CMSS1: variants seen among roughly 807,000 people sequenced by gnomAD.
CMSS1 encodes cms1 ribosomal small subunit homolog, also known as protein CMSS1.
A neutral mutation model predicts 43.5 loss-of-function variants in CMSS1; 33 were observed. The ratio of observed to expected loss-of-function variants is 0.76; its 90% CI spans 0.57 to 1.01. The LOEUF is 1.01. CMSS1 is among the 50% of genes least tolerant of loss of function. CMSS1 has a pLI of 0.00. For missense variants in CMSS1, 313 were observed against 326.4 expected, an observed-to-expected ratio of 0.96 and a Z score of 0.32; for synonymous variants, 115 against 117.2, an observed-to-expected ratio of 0.98 and a Z score of 0.12.
chr3:100,033,742 A>G (rs2065060478), intron 1 of CMSS1, among the ~76,000 whole-genome samples: 1 of 152,232 alleles, frequency 6.6e-6, no homozygotes, highest in Non-Finnish European at 1.5e-5. Context: ...TATTGAAAAT[A>G]TGTGGTGACT....
At chr3:100,122,687 A>G (rs560643365) in intron 1 of CMSS1, among the ~76,000 whole-genome samples, 2 of 152,230 alleles carry the variant, frequency 1.3e-5, no homozygotes, top group Non-Finnish European at 2.9e-5. Context: ...CCCCTTATTC[A>G]AAATGCATTG....
At chr3:99,898,314 C>T (rs1274750285) in intron 1 of CMSS1, 1 of 152,170 alleles carries the variant, frequency 6.6e-6, no homozygotes, top group Non-Finnish European at 1.5e-5. Context: ...TGGAATTACA[C>T]AATGACCAGG....
intron 4 of CMSS1, among the ~76,000 whole-genome samples, chr3:100,163,312 T>C (rs750699012): frequency 5.3e-5 from 8 of 152,184 alleles, no homozygotes; most frequent in Non-Finnish European, 1.0e-4. Context: ...TTGCTCTTAT[T>C]ATGGATTTCT....
intron 1 of CMSS1, among the ~76,000 whole-genome samples, chr3:99,951,871 A>G (rs1708186661): frequency 6.6e-6 from 1 of 152,228 alleles, no homozygotes; most frequent in Non-Finnish European, 1.5e-5. Flanking sequence ...GGCTGTGGCT[A>G]TGTTCCAATA....
chr3:100,103,150 G>C (rs902049716), intron 1 of CMSS1, among the ~76,000 whole-genome samples: 5 of 152,192 alleles, frequency 3.3e-5, no homozygotes, highest in Non-Finnish European at 1.5e-5. Context: ...TTGTAGGCCA[G>C]GAGTCTTTAA....
chr3:99,973,037 C>T (rs776880614), intron 1 of CMSS1, among the ~76,000 whole-genome samples: 5 of 152,146 alleles, frequency 3.3e-5, no homozygotes, highest in Non-Finnish European at 7.3e-5. Flanking sequence ...CCCCTTTTAT[C>T]TGTTCACAAA....
rs775188669 is a variant in CMSS1 at position 99,848,787 on chromosome 3, G to A, written c.64+30744G>A. The A allele has an allele frequency of 1.4e-5, 23 of 1,614,004 alleles. 1 individual carries two copies. Among genetic ancestry groups the A allele is most frequent in the Admixed American group, 5.0e-5 (3 of 59,996 alleles). On this transcript the variant is annotated intron_variant, in intron 1 of 9. Transcript: ENST00000421999. ...CTTGTTCTAAATTCATGAGGTCTTC[G>A]GTAGAGGTTTTGGACTTTACTGGTG...
intron 1 of CMSS1, among the ~76,000 whole-genome samples, chr3:99,843,807 A>T (rs1269294266): frequency 6.6e-6 from 1 of 152,146 alleles, no homozygotes; most frequent in Non-Finnish European, 1.5e-5. Context: ...GGTGAGTGGC[A>T]GGCAAGCGAG....
intron 1 of CMSS1, chr3:100,010,190 T>A (rs541730886): frequency 1.1e-6 from 1 of 912,558 alleles, no homozygotes; most frequent in African/African-American, 1.8e-5. Flanking sequence ...GGTAAAGTAT[T>A]GCTATTTTTA....
At chr3:100,162,943 C>T (rs1320588001) in intron 4 of CMSS1, among the ~76,000 whole-genome samples, 3 of 152,152 alleles carry the variant, frequency 2.0e-5, no homozygotes, top group African/African-American at 7.2e-5. Context: ...CCATTGCACT[C>T]CAGCCTGGGG....
chr3:100,149,043 A>G (rs749275685), intron 2 of CMSS1, among the ~76,000 whole-genome samples: 5 of 152,046 alleles, frequency 3.3e-5, no homozygotes, highest in South Asian at 2.1e-4. Flanking sequence ...CCTCTAATCA[A>G]TGTCTACCTA....
chr3:100,170,688 G>A (rs930205790), intron 6 of CMSS1, among the ~76,000 whole-genome samples: 1 of 152,234 alleles, frequency 6.6e-6, no homozygotes, highest in Non-Finnish European at 1.5e-5. Context: ...GCAGCTGTTG[G>A]TGCCAGCTGA....
chr3:100,006,541 A>G (rs1709991803), intron 1 of CMSS1, among the ~76,000 whole-genome samples: 1 of 152,126 alleles, frequency 6.6e-6, no homozygotes, highest in Admixed American at 6.6e-5. Flanking sequence ...TATAGTCATG[A>G]AGGCTATCAT....
Position 100,147,149 on chromosome 3 carries a change from T to A in CMSS1, c.153+88T>A, listed in dbSNP as rs1341683592. 74 of 1,410,220 alleles carry A rather than the reference T, an allele frequency of 5.2e-5. No homozygotes were observed. The South Asian group carries it at 7.9e-4, about 15-fold the overall frequency. 87.4% of individuals were successfully genotyped at this position (1,410,220 alleles called of 1,614,324 possible). A position where few individuals can be genotyped will look rare whatever the true frequency, so the allele number is the denominator to read the frequency against. ...CTATTGAACTCCCCATGTCCTAATATCGGTTGTTGGTGGGATTTAAGAGAG... is the reference window on the plus strand; with the variant it reads ...CTATTGAACTCCCCATGTCCTAATAACGGTTGTTGGTGGGATTTAAGAGAG... On this transcript the variant is annotated intron_variant, in intron 2 of 9. Transcript: ENST00000421999.
At chr3:99,836,575 C>G (rs1432334968) in intron 1 of CMSS1, among the ~76,000 whole-genome samples, 1 of 152,138 alleles carries the variant, frequency 6.6e-6, no homozygotes, top group Admixed American at 6.5e-5. Context: ...TCTTCTCCCA[C>G]CATAGGTACT....
At chr3:100,077,072 C>G (rs1269242783) in intron 1 of CMSS1, among the ~76,000 whole-genome samples, 1 of 152,206 alleles carries the variant, frequency 6.6e-6, no homozygotes, top group Non-Finnish European at 1.5e-5. Context: ...TTGCAGATTC[C>G]GGTTAGGTCT....
intron 1 of CMSS1, among the ~76,000 whole-genome samples, chr3:99,861,727 A>G (rs569067488): frequency 3.0e-4 from 45 of 152,192 alleles, no homozygotes; most frequent in Non-Finnish European, 5.3e-4. Flanking sequence ...GACAGCATGT[A>G]CACTCTCTAG....
At chr3:100,035,277 T>G (rs1031607454) in intron 1 of CMSS1, among the ~76,000 whole-genome samples, 3 of 152,016 alleles carry the variant, frequency 2.0e-5, no homozygotes, top group Non-Finnish European at 2.9e-5. Flanking sequence ...ATTATTAGTA[T>G]TATTATTATT....
At chr3:100,042,058 A>G (rs1026462803) in intron 1 of CMSS1, among the ~76,000 whole-genome samples, 10 of 152,040 alleles carry the variant, frequency 6.6e-5, no homozygotes, top group African/African-American at 2.4e-4. Flanking sequence ...TTATTTTGCC[A>G]TAAGCTCTGG....
Sources: allele counts gnomAD v4.1 joint callset (sites outside exome capture counted in the v4.1 genomes callset), GRCh38; gene constraint gnomAD v4.1.1; transcripts MANE v1.5; gene names NCBI Gene and HGNC (gene_info 2026-07-23, HGNC 2026-07-21).